ZNF527: variants seen among roughly 807,000 people sequenced by gnomAD.
ZNF527 encodes zinc finger protein 527.
ZNF527 carries 5 observed loss-of-function variants against 13.5 expected under a neutral mutation model. That is an observed-to-expected ratio of 0.37 (90% confidence interval 0.19 to 0.78). The LOEUF (loss-of-function observed/expected upper bound fraction) is 0.78. Ranked by LOEUF, ZNF527 falls within the 30% of genes least tolerant of loss-of-function variation. ZNF527 has a pLI of 0.48. For missense variants in ZNF527, 628 were observed against 726.4 expected (o/e 0.86, Z 1.56); for synonymous variants, 209 against 243.1 (o/e 0.86, Z 1.30).
chr19:37,374,263 A>G (rs769971174), intron 2 of ZNF527, 32 bp downstream of exon 2: 3 of 1,612,650 alleles, frequency 1.9e-6, no homozygotes, highest in Middle Eastern at 1.7e-4. Context: ...GTTTTCAGAC[A>G]TTTGACCTCA....
At chr19:37,375,457 G>T (rs1271441624) in intron 2 of ZNF527, among the ~76,000 whole-genome samples, 1 of 150,446 alleles carries the variant, frequency 6.6e-6, no homozygotes, top group Non-Finnish European at 1.5e-5. Context: ...TGCCTCCTGG[G>T]TTCAAGCGAT....
chr19:37,386,129 C>CCT (rs1568696497), intron 4 of ZNF527, among the ~76,000 whole-genome samples: 7 of 101,572 alleles, frequency 6.9e-5, no homozygotes, highest in African/African-American at 2.7e-4. Context: ...ACTTTCTTTT[C>CCT]TCTTCTTTTC....
rs35179002 is a variant in ZNF527 at position 37,376,682 on chromosome 19, CA to C, written c.34-2414del. On this transcript the variant is annotated intron_variant, in intron 2 of 4. Coordinates refer to ENST00000436120, the MANE Select transcript of ZNF527 (RefSeq NM_032453.2). Reference sequence around the variant, plus strand: ...GGTGACACGAGTGAAACTCCATCTCCAAAAAAAAAAAAAAAAAAAAAAAAGG... The same window carrying C: ...GGTGACACGAGTGAAACTCCATCTCCAAAAAAAAAAAAAAAAAAAAAAAGG... Among the ~76,000 whole-genome samples the C allele has an allele frequency of 6.6e-3, 320 of 48,558 alleles. 1 individual carries two copies. Among genetic ancestry groups the C allele is most frequent in the African/African-American group, 0.021 (249 of 11,698 alleles). The allele number at this position is 48,558 out of a possible 152,430, so 31.9% of individuals were successfully genotyped here. A position where few individuals can be genotyped will look rare whatever the true frequency, so the allele number is the denominator to read the frequency against.
intron 4 of ZNF527, among the ~76,000 whole-genome samples, chr19:37,383,779 C>T (rs1469264955): frequency 6.6e-6 from 1 of 151,738 alleles, no homozygotes; most frequent in Non-Finnish European, 1.5e-5. Context: ...CCTTGTGATC[C>T]ACCTGCTTCG....
chr19:37,385,104 G>T (rs1336912805), intron 4 of ZNF527: 4 of 466,412 alleles, frequency 8.6e-6, no homozygotes, highest in African/African-American at 5.9e-5. Flanking sequence ...GGGATTACTG[G>T]CATACTTCCA....
At chr19:37,386,353 G>T (rs188976666) in intron 4 of ZNF527, among the ~76,000 whole-genome samples, 269 of 152,068 alleles carry the variant, frequency 1.8e-3, no homozygotes, top group Middle Eastern at 0.014. Flanking sequence ...TGTTGGCCAG[G>T]CTGGCCTTGA....
intron 2 of ZNF527, among the ~76,000 whole-genome samples, chr19:37,375,107 G>A (rs2040588045): frequency 1.3e-5 from 2 of 152,184 alleles, no homozygotes; most frequent in Admixed American, 1.3e-4. Context: ...GAGCTGGAAA[G>A]ACAATGTGAA....
At position 37,389,463 on chromosome 19, in the gene ZNF527, T is replaced by G; in HGVS notation, c.1414T>G (p.Cys472Gly). ...RIHTGEKPYE[C>G]IKCGKFFRTD... ...TCATACCGGAGAAAAGCCCTATGAA[T>G]GCATCAAATGTGGGAAGTTTTTTAG... is the stretch of plus-strand genomic sequence containing the variant. The change falls in exon 5 of 5, where the codon TGC becomes GGC. Residue 472 changes from cysteine to glycine, a missense_variant. Physicochemically the swap from Cys to Gly is radical, Grantham distance 159. This residue lies in a region of ZNF527 where 592 missense variants were observed against 678.0 expected (regional missense o/e 0.87). Transcript: ENST00000436120. The G allele has an allele frequency of 6.2e-7, 1 of 1,614,164 alleles. No homozygotes were observed. The highest frequency in any genetic ancestry group is 8.5e-7 in the Non-Finnish European group (1 of 1,180,024).
chr19:37,377,555 C>G (rs1039296442), intron 2 of ZNF527, among the ~76,000 whole-genome samples: 3 of 152,160 alleles, frequency 2.0e-5, no homozygotes, highest in Non-Finnish European at 4.4e-5. Context: ...TTTTATCAAT[C>G]AGGGTTCTAG....
Position 37,388,442 on chromosome 19 carries a change from A to G in ZNF527, c.393A>G (p.Lys131=), listed in dbSNP as rs766798068. ...LECSSFREAW[K]YKGEFELHQG... ...GCTCCAGTTTCAGAGAAGCCTGGAA[A>G]TATAAGGGTGAATTTGAGCTACATC... The change falls in exon 5 of 5, where the codon AAA becomes AAG. Residue 131 remains lysine, a synonymous_variant. Transcript: ENST00000436120. 2.5e-6 allele frequency: 4 copies of G among 1,614,182 alleles called. No individual in the cohort carries two copies. The highest frequency in any genetic ancestry group is 3.4e-6 in the Non-Finnish European group (4 of 1,180,016).
rs1302860398 is a variant in ZNF527, at chr19:37,390,046, T to C, written c.*167T>C. Reference sequence around the variant, plus strand: ...TAGACATCTGTTACTTTTTTTTTTTTCAGACAGAGTCTCGCTCTGTTGCCC... The same window carrying C: ...TAGACATCTGTTACTTTTTTTTTTTCCAGACAGAGTCTCGCTCTGTTGCCC... On this transcript the variant is annotated 3_prime_UTR_variant, in exon 5 of 5. Transcript: ENST00000436120. 1.2e-5 allele frequency: 10 copies of C among 815,692 alleles called. No homozygotes were observed. Among genetic ancestry groups the C allele is most frequent in the Non-Finnish European group, 1.8e-5 (10 of 554,502 alleles). 50.5% of individuals were successfully genotyped at this position (815,692 alleles called of 1,614,324 possible).
In ZNF527 at chr19:37,391,748, C is replaced by T. The variant is rs1215926141; in HGVS notation, c.*1869C>T. 6.6e-6 allele frequency: 1 copy of T among 152,010 alleles called. No individual in the cohort carries two copies. Among genetic ancestry groups the T allele is most frequent in the Non-Finnish European group, 1.5e-5 (1 of 67,998 alleles). 9.4% of individuals were successfully genotyped at this position (152,010 alleles called of 1,614,324 possible). A position where few individuals can be genotyped will look rare whatever the true frequency, so the allele number is the denominator to read the frequency against. On this transcript the variant is annotated 3_prime_UTR_variant, in exon 5 of 5. Transcript: ENST00000436120. ...AGTTAATGCCTAAAATTTTTAGAGA[C>T]TAAATCATTTCCATTATTGGGAGTA...
chr19:37,374,163 T>C lies in ZNF527; in HGVS notation c.-36T>C. 2 of 1,609,556 alleles carry C rather than the reference T, an allele frequency of 1.2e-6. No homozygotes were observed. The highest frequency in any genetic ancestry group is 1.7e-6 in the Non-Finnish European group (2 of 1,175,936). On this transcript the variant is annotated 5_prime_UTR_variant, in exon 2 of 5. Coordinates refer to ENST00000436120, the MANE Select transcript of ZNF527 (RefSeq NM_032453.2). ...CATTAACTCTCCCTTCTCAGGACTT[T>C]GTTCTTCTTCAGAAGAGAAAACTGA...
intron 2 of ZNF527, among the ~76,000 whole-genome samples, chr19:37,375,478 C>G (rs1226744587): frequency 6.6e-6 from 1 of 151,282 alleles, no homozygotes; most frequent in Non-Finnish European, 1.5e-5. Flanking sequence ...TCTCCTGCCT[C>G]AGCTTTCCGG....
chr19:37,374,353 T>C, intron 2 of ZNF527, 122 bp downstream of exon 2: 2 of 877,900 alleles, frequency 2.3e-6, no homozygotes, highest in South Asian at 2.9e-5. Flanking sequence ...CCACCTTTTG[T>C]TCATATAATC....
intron 4 of ZNF527, among the ~76,000 whole-genome samples, chr19:37,382,323 AGATAGAT>A (rs1600268085): frequency 6.6e-6 from 1 of 152,148 alleles, no homozygotes; most frequent in African/African-American, 2.4e-5. Flanking sequence ...ATAGATAGAT[AGATAGAT>A]ATTTACACAC....
At chr19:37,371,495 C>T (rs1214787788) in intron 1 of ZNF527, among the ~76,000 whole-genome samples, 1 of 152,162 alleles carries the variant, frequency 6.6e-6, no homozygotes, top group Non-Finnish European at 1.5e-5. Context: ...TTGTGTGTGA[C>T]TGTCTCTGCA....
chr19:37,387,194 C>T (rs7248464), intron 4 of ZNF527, among the ~76,000 whole-genome samples: 100 of 152,238 alleles, frequency 6.6e-4, no homozygotes, highest in African/African-American at 2.4e-3. Context: ...TGCCAAAATA[C>T]GTAGTTCTAA....
In ZNF527 at chr19:37,388,313, G is replaced by C. The variant is rs764389389; in HGVS notation, c.264G>C (p.Glu88Asp). The change falls in exon 5 of 5, where the codon GAG becomes GAC. Residue 88 changes from glutamate to aspartate, a missense_variant. By Grantham distance (45) the Glu-to-Asp change is conservative (BLOSUM62 2). Around this residue, in one of 3 missense-constraint regions of ZNF527, gnomAD observed 592 missense variants for 678.0 expected, o/e 0.87. Coordinates refer to ENST00000436120, the MANE Select transcript of ZNF527 (RefSeq NM_032453.2). ...TTTCTTGATATTTTTCAGACTGGGAGTCTTGGTGTGAAATTGAGGAATTAT... is the reference window on the plus strand; with the variant it reads ...TTTCTTGATATTTTTCAGACTGGGACTCTTGGTGTGAAATTGAGGAATTAT... ...KMSQGHCADW[E>D]SWCEIEELSP... 1.9e-6 allele frequency: 3 copies of C among 1,611,924 alleles called. No individual in the cohort carries two copies. Among genetic ancestry groups the C allele is most frequent in the Non-Finnish European group, 2.5e-6 (3 of 1,178,438 alleles).
Sources: gnomAD v4.1 joint callset for allele counts (sites outside exome capture counted in the v4.1 genomes callset) on GRCh38, gnomAD v4.1.1 for gene constraint, gnomAD v4.1.1 regional missense constraint, MANE v1.5 for transcripts, NCBI Gene and HGNC (gene_info 2026-07-23, HGNC 2026-07-21) for gene names.